The following ITPR1 variants were observed in gnomAD, a reference collection of about 807,000 sequenced individuals.
ITPR1 encodes inositol 1,4,5-trisphosphate-gated calcium channel ITPR1.
ITPR1 carries 96 observed loss-of-function variants against 318.4 expected under a neutral mutation model. The ratio of observed to expected loss-of-function variants is 0.30; its 90% CI spans 0.26 to 0.36. The LOEUF (loss-of-function observed/expected upper bound fraction) is 0.36. Ranked by LOEUF, ITPR1 falls within the 10% of genes least tolerant of loss-of-function variation. The pLI is 1.00. For synonymous variants in ITPR1, 1,312 were observed against 1,289.9 expected, an observed-to-expected ratio of 1.02 and a Z score of -0.37; for missense variants, 2,440 against 3,460.2, an observed-to-expected ratio of 0.71 and a Z score of 7.40.
chr3:4,514,255 A>G (rs1282042114), intron 2 of ITPR1, among the ~76,000 whole-genome samples: 2 of 152,210 alleles, frequency 1.3e-5, no homozygotes, highest in Non-Finnish European at 2.9e-5. Flanking sequence ...ATGAGGATTC[A>G]CTAAGAGAAC....
chr3:4,835,017 C>T (rs867299108), intron 60 of ITPR1, among the ~76,000 whole-genome samples: 1 of 152,136 alleles, frequency 6.6e-6, no homozygotes, highest in South Asian at 2.1e-4. Flanking sequence ...TGTCCTTCCA[C>T]AAGCTTTTAT....
chr3:4,703,853 A>G (rs2094704123), intron 36 of ITPR1, among the ~76,000 whole-genome samples: 1 of 152,158 alleles, frequency 6.6e-6, no homozygotes, highest in African/African-American at 2.4e-5. Context: ...ATTTCACAGT[A>G]AGAAATTAGG....
At position 4,742,020 on chromosome 3, in the gene ITPR1, C is replaced by A. The variant is rs139595856; in HGVS notation, c.5544+6666C>A. On this transcript the variant is annotated intron_variant, in intron 44 of 61. Transcript: ENST00000649015. ...GCAGTGACTTGTCCCCAGCAGGCGT[C>A]CCCAGAGACACTGCCCTTCTGCGGA... is the stretch of plus-strand genomic sequence containing the variant. Among the ~76,000 whole-genome samples the A allele has an allele frequency of 5.0e-3, 754 of 152,282 alleles. 4 individuals are homozygous for A. Among genetic ancestry groups the A allele is most frequent in the Middle Eastern group, 0.01 (3 of 294 alleles).
intron 4 of ITPR1, among the ~76,000 whole-genome samples, chr3:4,593,808 T>C (rs1339727667): frequency 6.6e-6 from 1 of 152,044 alleles, no homozygotes; most frequent in Non-Finnish European, 1.5e-5. Flanking sequence ...ACACAGGATA[T>C]GGTGGGAGAA....
In ITPR1 at chr3:4,507,099, ATT is replaced by A. The variant is rs201789825; in HGVS notation, c.-16-9360_-16-9359del. On this transcript the variant is annotated intron_variant, in intron 2 of 61. Transcript: ENST00000649015. ...AACAAAAATTTTGAGAAGAGTAGCA[ATT>A]TTTTTTTTTTTTTTTTGCGAATCAC... Among the ~76,000 whole-genome samples, 1,243 of 137,540 alleles carry A rather than the reference ATT, an allele frequency of 9.0e-3. 14 individuals are homozygous for A. The highest frequency in any genetic ancestry group is 0.031 in the African/African-American group (1,161 of 37,462). 90.2% of individuals were successfully genotyped at this position (137,540 alleles called of 152,430 possible).
intron 51 of ITPR1, among the ~76,000 whole-genome samples, chr3:4,786,492 C>T (rs2047205568): frequency 1.3e-5 from 2 of 152,204 alleles, no homozygotes; most frequent in South Asian, 4.1e-4. Flanking sequence ...TATCAGGGAA[C>T]AAAGGTTTTG....
At chr3:4,684,176 C>A in intron 28 of ITPR1, 105 bp from the exon 29 acceptor site, 2 of 751,128 alleles carry the variant, frequency 2.7e-6, no homozygotes, top group Non-Finnish European at 4.7e-6. Context: ...TATTGTAAAA[C>A]AGTATAGAAC....
intron 44 of ITPR1, among the ~76,000 whole-genome samples, chr3:4,737,210 G>A (rs1258176778): frequency 6.6e-6 from 1 of 152,048 alleles, no homozygotes; most frequent in Non-Finnish European, 1.5e-5. Flanking sequence ...CAGAATCTCA[G>A]TCCTCAAGAA....
At chr3:4,821,713 C>A (rs1271025004) in intron 60 of ITPR1, among the ~76,000 whole-genome samples, 3 of 152,188 alleles carry the variant, frequency 2.0e-5, no homozygotes, top group Non-Finnish European at 4.4e-5. Flanking sequence ...AGATACTTCA[C>A]CTTTCCTAAT....
At chr3:4,681,624 A>AGTATGTGTGTGTGTGTGTGTGTGT (rs373511110) in intron 26 of ITPR1, among the ~76,000 whole-genome samples, 14 of 145,894 alleles carry the variant, frequency 9.6e-5, no homozygotes, top group South Asian at 2.2e-4. Flanking sequence ...AGAGAGAGAA[A>AGTATGTGTGTGTGTGTGTGTGTGT]GTGTGTGTGT....
chr3:4,502,148 T>C (rs997680389), intron 2 of ITPR1, among the ~76,000 whole-genome samples: 2 of 152,186 alleles, frequency 1.3e-5, no homozygotes, highest in Non-Finnish European at 2.9e-5. Context: ...CGTGTGTGTG[T>C]ATGTTGTACC....
chr3:4,691,562 A>G (rs1559705813), intron 32 of ITPR1, among the ~76,000 whole-genome samples: 1 of 152,208 alleles, frequency 6.6e-6, no homozygotes, highest in African/African-American at 2.4e-5. Flanking sequence ...CAATTTAAGG[A>G]AGGATGGCTT....
Position 4,807,074 on chromosome 3 carries a change from A to G in ITPR1, c.7272+807A>G, listed in dbSNP as rs111478401. Among the ~76,000 whole-genome samples, 154 of 124,102 alleles carry G rather than the reference A, an allele frequency of 1.2e-3. 1 individual carries two copies. The highest frequency in any genetic ancestry group is 5.1e-3 in the African/African-American group (145 of 28,534). 81.4% of individuals were successfully genotyped at this position (124,102 alleles called of 152,430 possible). On this transcript the variant is annotated intron_variant, in intron 55 of 61. Coordinates refer to ENST00000649015, the MANE Select transcript of ITPR1 (RefSeq NM_001378452.1). ...TAAGGGTTGGCTTACAAAGAGGGGG[A>G]CTTACAAAGAGAGGGGGGCTTACAA...
In ITPR1 at chr3:4,674,289, G is replaced by C; in HGVS notation, c.2544G>C (p.Val848=). The C allele has an allele frequency of 6.2e-7, 1 of 1,600,702 alleles. No individual in the cohort carries two copies. Among genetic ancestry groups the C allele is most frequent in the South Asian group, 1.1e-5 (1 of 88,554 alleles). Residue 848 remains valine, a synonymous_variant, in exon 22 of 62, where the codon GTG becomes GTC. Transcript: ENST00000649015. ...TTGTGGAGGAGTATTTAAGAGATGT[G>C]GTTTGTCAGAGGTTCCCTTTCTCTG... ...MEFVEEYLRD[V]VCQRFPFSDK... is the part of the protein sequence containing the mutation.
intron 50 of ITPR1, among the ~76,000 whole-genome samples, chr3:4,783,475 C>G (rs1451697422): frequency 6.6e-6 from 1 of 151,242 alleles, no homozygotes; most frequent in East Asian, 1.9e-4. Context: ...CCTCTTTTCC[C>G]TTCCATGACC....
At chr3:4,782,396 T>A in intron 49 of ITPR1, 1 of 383,566 alleles carries the variant, frequency 2.6e-6, no homozygotes, top group Non-Finnish European at 4.7e-6. Context: ...TTGGTCTAAG[T>A]AGAGTGAATG....
intron 56 of ITPR1, among the ~76,000 whole-genome samples, chr3:4,811,881 C>G (rs761245842): frequency 6.6e-6 from 1 of 152,148 alleles, no homozygotes; most frequent in Admixed American, 6.5e-5. Context: ...CAGTTGGAAG[C>G]AGTGTAAATG....
In ITPR1 at chr3:4,814,475, G is replaced by A. The variant is rs146028585; in HGVS notation, c.7614G>A (p.Thr2538=). ...AGGATAAAGAGCACACATGTGAGAC[G>A]CTGCTGATGTGCATTGTCACTGTGC... ...TEQDKEHTCE[T]LLMCIVTVLS... is the part of the protein sequence containing the mutation. The change falls in exon 58 of 62, where the codon ACG becomes ACA. Residue 2538 remains threonine, a synonymous_variant. Transcript: ENST00000649015. 2.2e-5 allele frequency: 35 copies of A among 1,613,706 alleles called. No homozygotes were observed. The East Asian group carries it at 4.2e-4, about 20-fold the overall frequency.
chr3:4,638,474 C>T (rs1386396900), intron 5 of ITPR1, among the ~76,000 whole-genome samples: 10 of 152,140 alleles, frequency 6.6e-5, no homozygotes, highest in Admixed American at 6.5e-4. Context: ...ATTCTAGAAC[C>T]TTCTATTCAG....
Sources: allele counts gnomAD v4.1 joint callset (sites outside exome capture counted in the v4.1 genomes callset), GRCh38; gene constraint gnomAD v4.1.1; transcripts MANE v1.5; gene names NCBI Gene and HGNC (gene_info 2026-07-23, HGNC 2026-07-21).